Variants in FRAS1 observed in about 807,000 individuals in gnomAD.
The protein encoded by FRAS1 is Fraser extracellular matrix complex subunit 1.
FRAS1 carries 290 observed loss-of-function variants against 435.2 expected under a neutral mutation model. That is an observed-to-expected ratio of 0.67 (90% CI 0.61 to 0.73). The LOEUF (loss-of-function observed/expected upper bound fraction) is 0.73, where lower values mean the gene tolerates loss of function less well. Ranked by LOEUF, FRAS1 falls within the 30% of genes least tolerant of loss-of-function variation. The probability of loss-of-function intolerance (pLI) is 0.00; values close to 1 mark genes in which losing one functional copy is unlikely to be tolerated. For synonymous variants in FRAS1, 1,800 were observed against 1,851.0 expected (o/e 0.97, Z 0.71); for missense variants, 4,860 against 5,001.5 (o/e 0.97, Z 0.85).
intron 9 of FRAS1, among the ~76,000 whole-genome samples, chr4:78,270,190 A>G (rs34398622): frequency 0.34 from 51,830 of 152,122 alleles, 9,187 homozygotes; most frequent in South Asian, 0.59. Flanking sequence ...GTAAATAGAA[A>G]AGCTATTTGA....
chr4:78,386,692 G>T lies in FRAS1; in HGVS notation c.3649-683G>T, dbSNP rs183631987. On this transcript the variant is annotated intron_variant, in intron 28 of 73. Transcript: ENST00000512123. ...TTGGGTGAGTTTTTTTTCTGTTGTG[G>T]TTCATTAGCTTTTATCTTTATGAAA... Among the ~76,000 whole-genome samples the T allele has an allele frequency of 8.3e-4, 126 of 152,120 alleles. 1 individual carries two copies. Among genetic ancestry groups the T allele is most frequent in the Admixed American group, 2.9e-3 (45 of 15,280 alleles).
intron 71 of FRAS1, 125 bp downstream of exon 71, chr4:78,534,740 G>T: frequency 4.5e-6 from 4 of 888,436 alleles, no homozygotes; most frequent in Non-Finnish European, 6.8e-6. Flanking sequence ...ATCCCCCAGG[G>T]TTGGTTCCAG....
At chr4:78,224,005 G>A (rs1184923932) in intron 2 of FRAS1, among the ~76,000 whole-genome samples, 1 of 152,100 alleles carries the variant, frequency 6.6e-6, no homozygotes, top group Non-Finnish European at 1.5e-5. Flanking sequence ...ATTTCCAGTG[G>A]AGAAACTGTT....
intron 41 of FRAS1, among the ~76,000 whole-genome samples, chr4:78,444,762 A>G (rs1164358210): frequency 6.6e-6 from 1 of 152,144 alleles, no homozygotes; most frequent in Non-Finnish European, 1.5e-5. Flanking sequence ...GAGAGGAGTA[A>G]TCTGAGCCAG....
intron 64 of FRAS1, 23 bp downstream of exon 64, chr4:78,511,529 C>T (rs1560419878): frequency 6.5e-7 from 1 of 1,531,410 alleles, no homozygotes; most frequent in Non-Finnish European, 9.0e-7. Flanking sequence ...GTGCCTTCCA[C>T]CACACATAGA....
intron 2 of FRAS1, among the ~76,000 whole-genome samples, chr4:78,115,844 A>G (rs1353374708): frequency 1.3e-5 from 2 of 150,114 alleles, no homozygotes; most frequent in African/African-American, 4.9e-5. Flanking sequence ...TTCTTCTCTG[A>G]TCTTAGTTAT....
intron 2 of FRAS1, among the ~76,000 whole-genome samples, chr4:78,090,673 T>G (rs1402857283): frequency 1.3e-5 from 2 of 152,154 alleles, no homozygotes; most frequent in Non-Finnish European, 2.9e-5. Flanking sequence ...CGCAGCTGTG[T>G]GTTGTGAAAA....
chr4:78,291,505 G>A (rs1022172185), intron 14 of FRAS1, among the ~76,000 whole-genome samples: 1 of 152,166 alleles, frequency 6.6e-6, no homozygotes, highest in Non-Finnish European at 1.5e-5. Context: ...AAACTGATCT[G>A]TGCCTGGGGG....
At position 78,333,259 on chromosome 4, in the gene FRAS1, A is replaced by G. The variant is rs1432473124; in HGVS notation, c.2138-13A>G. The stretch of plus-strand genomic sequence containing the variant: ...CTTTCCTGATTGTCTCCTTTGCTTT[A>G]TCTTTCCCCCAGCTTGCCACCAGTC... On this transcript the variant is annotated splice_polypyrimidine_tract_variant and intron_variant, in intron 18 of 73. Coordinates refer to ENST00000512123, the MANE Select transcript of FRAS1 (RefSeq NM_025074.7). 11 of 1,598,818 alleles carry G rather than the reference A, an allele frequency of 6.9e-6. No homozygotes were observed. The highest frequency in any genetic ancestry group is 4.5e-5 in the East Asian group (2 of 44,134).
chr4:78,504,766 T>C (rs1720782650), intron 61 of FRAS1, among the ~76,000 whole-genome samples: 1 of 152,212 alleles, frequency 6.6e-6, no homozygotes, highest in Non-Finnish European at 1.5e-5. Context: ...ATCCTGTCAT[T>C]ATGATATTAG....
Position 78,116,448 on chromosome 4 carries a change from T to A in FRAS1, c.108+50432T>A, listed in dbSNP as rs566785050. ...AGTGGGGTGTTAAAGTTTCCCATTA[T>A]TATTGTGTGGGAGTCTAAGTCTCTT... On this transcript the variant is annotated intron_variant, in intron 2 of 73. Transcript: ENST00000512123. Among the ~76,000 whole-genome samples the A allele has an allele frequency of 2.6e-5, 4 of 152,330 alleles. No homozygotes were observed. The East Asian group carries it at 7.7e-4, about 29-fold the overall frequency.
intron 9 of FRAS1, among the ~76,000 whole-genome samples, chr4:78,278,130 A>G (rs1190029228): frequency 2.0e-5 from 3 of 152,336 alleles, no homozygotes; most frequent in African/African-American, 7.2e-5. Flanking sequence ...TAGTTTTGAT[A>G]TGAGTTGGCT....
intron 6 of FRAS1, among the ~76,000 whole-genome samples, chr4:78,259,073 A>G (rs1349459017): frequency 8.9e-5 from 10 of 112,428 alleles, no homozygotes; most frequent in African/African-American, 9.7e-5. Context: ...TCCATGGTGT[A>G]TATGTGCCAC....
chr4:78,513,910 A>G (rs954892753), intron 65 of FRAS1, among the ~76,000 whole-genome samples: 1 of 152,224 alleles, frequency 6.6e-6, no homozygotes, highest in African/African-American at 2.4e-5. Flanking sequence ...TAGTGTCTTC[A>G]TTCCCTTAGA....
Position 78,540,751 on chromosome 4 carries a change from A to T in FRAS1, c.11666A>T (p.Glu3889Val), listed in dbSNP as rs1722023317. The change falls in exon 74 of 74, where the codon GAG becomes GTG. Residue 3889 changes from glutamate (E) to valine (V), a missense_variant. Glu to Val is a moderately radical substitution (Grantham distance 121). Transcript: ENST00000512123. The part of the protein sequence containing the change: ...NGTNMKSLNL[E>V]MQELAVAASL... ...ACCAATATGAAGTCCCTGAATCTGG[A>T]GATGCAAGAGTTGGCGGTAGCTGCG... 1 of 1,613,828 alleles carries T rather than the reference A, an allele frequency of 6.2e-7. No individual in the cohort carries two copies. Among genetic ancestry groups the T allele is most frequent in the African/African-American group, 1.3e-5 (1 of 75,050 alleles).
At chr4:78,068,870 T>C (rs765193800) in intron 2 of FRAS1, among the ~76,000 whole-genome samples, 1 of 152,202 alleles carries the variant, frequency 6.6e-6, no homozygotes, top group Non-Finnish European at 1.5e-5. Flanking sequence ...GTGGACTTGG[T>C]TTATTATCTA....
intron 26 of FRAS1, among the ~76,000 whole-genome samples, chr4:78,376,757 G>A (rs915126406): frequency 9.9e-5 from 15 of 152,176 alleles, no homozygotes; most frequent in East Asian, 9.7e-4. Flanking sequence ...TTGGGAGGCC[G>A]AGGCAGGCAG....
At chr4:78,157,065 C>A (rs982786965) in intron 2 of FRAS1, among the ~76,000 whole-genome samples, 4 of 152,184 alleles carry the variant, frequency 2.6e-5, no homozygotes, top group African/African-American at 9.7e-5. Flanking sequence ...GTGATCACAA[C>A]CCCATTGGCA....
intron 2 of FRAS1, among the ~76,000 whole-genome samples, chr4:78,193,189 C>T (rs1194119671): frequency 6.6e-6 from 1 of 152,082 alleles, no homozygotes; most frequent in Non-Finnish European, 1.5e-5. Flanking sequence ...TGCTTTACTT[C>T]CAAGTATGTG....
Sources: gnomAD v4.1 joint callset for allele counts (sites outside exome capture counted in the v4.1 genomes callset) on GRCh38, gnomAD v4.1.1 for gene constraint, MANE v1.5 for transcripts, NCBI Gene and HGNC (gene_info 2026-07-23, HGNC 2026-07-21) for gene names.